The following PARN variants were observed in gnomAD, a reference collection of about 807,000 sequenced individuals.
PARN encodes the protein poly(A)-specific ribonuclease PARN.
Under a neutral mutation model 102.8 loss-of-function variants are expected in PARN, and 71 were observed. The ratio of observed to expected loss-of-function variants is 0.69; its 90% CI spans 0.57 to 0.84. PARN has a LOEUF of 0.84. Among genes scored for constraint, PARN ranks in the 40% least tolerant of loss-of-function variants. The pLI is 0.00. For synonymous variants in PARN, 261 were observed against 252.9 expected (o/e 1.03, Z -0.30); for missense variants, 782 against 760.9 (o/e 1.03, Z -0.33).
intron 22 of PARN, among the ~76,000 whole-genome samples, chr16:14,468,294 GTGTTATGGTGCC>G (rs1962492200): frequency 6.6e-6 from 1 of 152,176 alleles, no homozygotes; most frequent in Non-Finnish European, 1.5e-5. Context: ...AGAAAAGTGT[GTGTTATGGTGCC>G]TGGCACATGA....
chr16:14,474,898 A>C (rs893264462), intron 22 of PARN, among the ~76,000 whole-genome samples: 33 of 152,220 alleles, frequency 2.2e-4, no homozygotes, highest in African/African-American at 7.7e-4. Context: ...GGTGAATTAG[A>C]ATTCTCCTTC....
chr16:14,606,361 C>T (rs546204224), intron 10 of PARN, 123 bp downstream of exon 10: 22 of 497,136 alleles, frequency 4.4e-5, no homozygotes, highest in Admixed American at 4.4e-4. Flanking sequence ...CTAACCACTG[C>T]ACTCCAGCCT....
At chr16:14,553,829 G>A (rs1167176407) in intron 20 of PARN, among the ~76,000 whole-genome samples, 1 of 152,070 alleles carries the variant, frequency 6.6e-6, no homozygotes, top group African/African-American at 2.4e-5. Context: ...TCCTCATCAC[G>A]GTGTTTTGCT....
At chr16:14,603,828 C>A (rs1971018511) in intron 11 of PARN, among the ~76,000 whole-genome samples, 1 of 152,210 alleles carries the variant, frequency 6.6e-6, no homozygotes, top group Non-Finnish European at 1.5e-5. Context: ...AGTAACTATA[C>A]ATGAAGTTAG....
intron 5 of PARN, 46 bp downstream of exon 5, chr16:14,627,060 C>T (rs2151823080): frequency 1.9e-6 from 2 of 1,049,136 alleles, no homozygotes; most frequent in Middle Eastern, 4.0e-4. Context: ...TTCCATGCTG[C>T]CTCATCAGCA....
At position 14,629,584 on chromosome 16, in the gene PARN, AAGGG is replaced by A. The variant is rs1277830010; in HGVS notation, c.97+9_97+12del. On this transcript the variant is annotated intron_variant, in intron 2 of 23. Transcript: ENST00000437198. ...CTGCAAAGTGCTAGCCTGAGCTTGC[AAGGG>A]AGGGATACCTGAAAACTCCCCATCG... is the stretch of plus-strand genomic sequence containing the variant. 2.3e-5 allele frequency: 37 copies of A among 1,598,550 alleles called. No individual in the cohort carries two copies. Among genetic ancestry groups the A allele is most frequent in the Non-Finnish European group, 2.7e-5 (31 of 1,165,870 alleles).
intron 20 of PARN, 77 bp downstream of exon 20, chr16:14,553,988 A>C: frequency 4.5e-6 from 4 of 884,582 alleles, no homozygotes; most frequent in Non-Finnish European, 7.2e-6. Flanking sequence ...GCAGGCCAAA[A>C]CTATCTTTCT....
At chr16:14,512,540 T>C (rs1965247625) in intron 21 of PARN, among the ~76,000 whole-genome samples, 1 of 152,160 alleles carries the variant, frequency 6.6e-6, no homozygotes, top group Non-Finnish European at 1.5e-5. Flanking sequence ...CTGTGAGGTC[T>C]GCTCTAAAGA....
intron 5 of PARN, among the ~76,000 whole-genome samples, chr16:14,622,478 C>A (rs556228334): frequency 6.6e-5 from 10 of 152,296 alleles, no homozygotes; most frequent in South Asian, 2.1e-4. Flanking sequence ...GTGGCAAGTG[C>A]GAGTTGCATA....
intron 22 of PARN, among the ~76,000 whole-genome samples, chr16:14,477,549 G>C (rs544145854): frequency 2.0e-5 from 3 of 151,280 alleles, no homozygotes; most frequent in Admixed American, 2.0e-4. Flanking sequence ...AGGCCAAGGC[G>C]GGTGGATCAC....
rs962123735 is a variant in PARN at position 14,584,431 on chromosome 16, C to T, written c.1006-9G>A. On this transcript the variant is annotated splice_polypyrimidine_tract_variant and intron_variant, in intron 15 of 23. Transcript: ENST00000437198. ...GTGTTGTTAATGATATCCTGCAAACCACGAAGCAAAGAATTATGAGATTTC... is the reference window on the plus strand; with the variant it reads ...GTGTTGTTAATGATATCCTGCAAACTACGAAGCAAAGAATTATGAGATTTC... 6.2e-7 allele frequency: 1 copy of T among 1,608,288 alleles called. No individual in the cohort carries two copies. Among genetic ancestry groups the T allele is most frequent in the Non-Finnish European group, 8.5e-7 (1 of 1,175,650 alleles).
intron 21 of PARN, among the ~76,000 whole-genome samples, chr16:14,512,334 T>C (rs1965232851): frequency 6.6e-6 from 1 of 152,100 alleles, no homozygotes; most frequent in Admixed American, 6.6e-5. Flanking sequence ...AAACCCTGTC[T>C]CTACTAAAAA....
Position 14,436,684 on chromosome 16 carries a change from C to T in PARN, c.*33G>A. On this transcript the variant is annotated 3_prime_UTR_variant, in exon 24 of 24. Transcript: ENST00000437198. ...GCCAGCCGGCTCTTGCTCACAGCGA[C>T]AGCACCAGCGGTTTGCTGCCCTCAG... 1.3e-6 allele frequency: 2 copies of T among 1,530,228 alleles called. No individual in the cohort carries two copies. Among genetic ancestry groups the T allele is most frequent in the Admixed American group, 1.8e-5 (1 of 54,838 alleles). The allele number at this position is 1,530,228 out of a possible 1,614,324, so 94.8% of individuals were successfully genotyped here. A position where few individuals can be genotyped will look rare whatever the true frequency, so the allele number is the denominator to read the frequency against.
intron 18 of PARN, among the ~76,000 whole-genome samples, chr16:14,577,899 C>G (rs932319157): frequency 6.6e-6 from 1 of 151,340 alleles, no homozygotes. Flanking sequence ...AACTCCTGAC[C>G]TCAGGTGATC....
At chr16:14,452,052 AAAC>A (rs894352493) in intron 22 of PARN, among the ~76,000 whole-genome samples, 73 of 151,910 alleles carry the variant, frequency 4.8e-4, no homozygotes, top group African/African-American at 1.4e-3. Context: ...ACCCTGTCTC[AAAC>A]AACAACAACA....
chr16:14,462,614 G>C (rs1479703889), intron 22 of PARN, among the ~76,000 whole-genome samples: 2 of 151,264 alleles, frequency 1.3e-5, no homozygotes, highest in South Asian at 4.3e-4. Flanking sequence ...GAATATTCTC[G>C]AAAATTCCAG....
chr16:14,490,941 A>G (rs1431907549), intron 21 of PARN, among the ~76,000 whole-genome samples: 1 of 152,112 alleles, frequency 6.6e-6, no homozygotes, highest in East Asian at 1.9e-4. Flanking sequence ...AAAATCAAGG[A>G]AAACAGAAAC....
At chr16:14,469,194 G>A (rs1037497411) in intron 22 of PARN, among the ~76,000 whole-genome samples, 2 of 152,092 alleles carry the variant, frequency 1.3e-5, no homozygotes, top group South Asian at 4.1e-4. Flanking sequence ...CTACTTGGGA[G>A]GCTGAGGCAG....
At chr16:14,624,159 G>A (rs1432897866) in intron 5 of PARN, among the ~76,000 whole-genome samples, 4 of 152,036 alleles carry the variant, frequency 2.6e-5, no homozygotes, top group Non-Finnish European at 5.9e-5. Context: ...ATATTAAATT[G>A]TTGTATCCTC....
Sources: gnomAD v4.1 joint callset for allele counts (sites outside exome capture counted in the v4.1 genomes callset) on GRCh38, gnomAD v4.1.1 for gene constraint, MANE v1.5 for transcripts, NCBI Gene and HGNC (gene_info 2026-07-23, HGNC 2026-07-21) for gene names.